MREG: variants seen among roughly 807,000 people sequenced by gnomAD.
MREG encodes melanoregulin, also known as dilute suppressor protein homolog.
A neutral mutation model predicts 28.5 loss-of-function variants in MREG; 31 were observed. The ratio of observed to expected loss-of-function variants is 1.09; its 90% confidence interval spans 0.82 to 1.47. The LOEUF (loss-of-function observed/expected upper bound fraction) is 1.47, where lower values mean the gene tolerates loss of function less well. Ranked by LOEUF, MREG falls within the 40% of genes most tolerant of loss-of-function variation. The pLI, the probability that MREG is intolerant of heterozygous loss-of-function variation, is 0.00. For missense variants in MREG, 256 were observed against 257.4 expected, an observed-to-expected ratio of 0.99 and a Z score of 0.04; for synonymous variants, 106 against 95.2, an observed-to-expected ratio of 1.11 and a Z score of -0.66.
chr2:215,956,133 G>A (rs1192074520), intron 2 of MREG, among the ~76,000 whole-genome samples: 1 of 152,134 alleles, frequency 6.6e-6, no homozygotes, highest in Non-Finnish European at 1.5e-5. Flanking sequence ...CCTACTTTTA[G>A]GTCGAAAAAA....
At chr2:216,024,592 G>T (rs894124473) in intron 1 of MREG, among the ~76,000 whole-genome samples, 1 of 152,080 alleles carries the variant, frequency 6.6e-6, no homozygotes, top group Admixed American at 6.6e-5. Flanking sequence ...AAAATATATT[G>T]GCTGGGTGTG....
chr2:215,995,450 C>CA (rs1171834407), intron 2 of MREG, among the ~76,000 whole-genome samples: 1 of 151,792 alleles, frequency 6.6e-6, no homozygotes, highest in African/African-American at 2.4e-5. Flanking sequence ...TACCAATTAC[C>CA]AAAAATAAAG....
intron 1 of MREG, among the ~76,000 whole-genome samples, chr2:216,000,040 A>G (rs1310357906): frequency 1.3e-5 from 2 of 152,258 alleles, no homozygotes; most frequent in Admixed American, 6.5e-5. Flanking sequence ...AGTGTCGATA[A>G]CATGAAAGAT....
At chr2:216,024,910 G>A (rs1694572198) in intron 1 of MREG, among the ~76,000 whole-genome samples, 1 of 131,878 alleles carries the variant, frequency 7.6e-6, no homozygotes, top group African/African-American at 2.7e-5. Context: ...GGAAAGGAAG[G>A]GAAAGGAAAA....
At chr2:215,975,875 C>A (rs1314884442) in intron 2 of MREG, among the ~76,000 whole-genome samples, 1 of 152,104 alleles carries the variant, frequency 6.6e-6, no homozygotes, top group Non-Finnish European at 1.5e-5. Context: ...TGCCTGAGGT[C>A]AGGAGTTCAA....
At chr2:215,998,721 C>A (rs1046961366) in intron 1 of MREG, among the ~76,000 whole-genome samples, 2 of 152,152 alleles carry the variant, frequency 1.3e-5, no homozygotes, top group Non-Finnish European at 2.9e-5. Context: ...TTGGGCCCTG[C>A]CCATGTGAAC....
At chr2:215,958,884 T>C (rs1304497082) in intron 2 of MREG, among the ~76,000 whole-genome samples, 1 of 152,194 alleles carries the variant, frequency 6.6e-6, no homozygotes, top group African/African-American at 2.4e-5. Context: ...TGAGCATTTA[T>C]TAAGTGCCCA....
intron 2 of MREG, among the ~76,000 whole-genome samples, chr2:215,963,034 A>G (rs1302396042): frequency 3.9e-5 from 6 of 152,128 alleles, no homozygotes. Context: ...TGGCTGAGGT[A>G]GGAGGATTGC....
chr2:215,980,579 A>C (rs1693398356), intron 2 of MREG, among the ~76,000 whole-genome samples: 1 of 152,216 alleles, frequency 6.6e-6, no homozygotes, highest in African/African-American at 2.4e-5. Context: ...GCAGGTGTGA[A>C]AACTGATCAG....
In MREG at chr2:215,944,023, A is replaced by G. The variant is rs1692254350; in HGVS notation, c.*840T>C. The stretch of plus-strand genomic sequence containing the variant: ...GAGACGGAGTCTCGCTCTGTCGCCC[A>G]GGCTGGAGTGCAATGGTGCAATCTC... On this transcript the variant is annotated 3_prime_UTR_variant, in exon 5 of 5. Transcript: ENST00000263268. The G allele has an allele frequency of 9.3e-6, 1 of 107,210 alleles. No homozygotes were observed. Among genetic ancestry groups the G allele is most frequent in the Non-Finnish European group, 1.7e-5 (1 of 59,314 alleles). 6.6% of individuals were successfully genotyped at this position (107,210 alleles called of 1,614,324 possible).
intron 1 of MREG, 118 bp from the exon 2 acceptor site, chr2:215,996,583 T>C: frequency 1.4e-6 from 1 of 721,368 alleles, no homozygotes. Context: ...ATAAATATAT[T>C]GTCAAAAAGG....
upstream of MREG, among the ~76,000 whole-genome samples, chr2:216,014,420 G>A (rs573709874): frequency 6.6e-6 from 1 of 152,252 alleles, no homozygotes; most frequent in South Asian, 2.1e-4. Flanking sequence ...GGAGGCCGAC[G>A]CGGGCGGATC....
At chr2:216,019,468 C>T (rs1457390900) in intron 1 of MREG, among the ~76,000 whole-genome samples, 1 of 151,302 alleles carries the variant, frequency 6.6e-6, no homozygotes, top group South Asian at 2.1e-4. Context: ...ATCACTCTGT[C>T]GTTTCCCATA....
intron 1 of MREG, among the ~76,000 whole-genome samples, chr2:216,023,547 G>A (rs2105931009): frequency 6.6e-6 from 1 of 152,150 alleles, no homozygotes; most frequent in African/African-American, 2.4e-5. Context: ...ATTAAGCATT[G>A]GTATTTGATT....
intron 2 of MREG, among the ~76,000 whole-genome samples, chr2:215,978,449 G>C (rs1012601571): frequency 2.6e-5 from 4 of 152,162 alleles, no homozygotes; most frequent in African/African-American, 9.7e-5. Context: ...AATTCTACCA[G>C]AGGTACAAAG....
At chr2:216,025,475 A>G (rs1341815390) in intron 1 of MREG, among the ~76,000 whole-genome samples, 2 of 152,220 alleles carry the variant, frequency 1.3e-5, no homozygotes, top group Non-Finnish European at 2.9e-5. Flanking sequence ...TGTGCATAGA[A>G]CCAACACCTG....
rs16855132 is a variant in MREG, at chr2:215,958,822, C to G, written c.256-11709G>C. 7.5e-3 allele frequency among the ~76,000 whole-genome samples: 1,149 copies of G among 152,286 alleles called. 18 individuals carry two copies. The highest frequency in any genetic ancestry group is 0.026 in the African/African-American group (1,073 of 41,546). On this transcript the variant is annotated intron_variant, in intron 2 of 4. Transcript: ENST00000263268. Reference sequence around the variant, plus strand: ...CTCTAAAGCATTTAATCCTGATGGCCATACCCTTCTTAACATGCTTTCTAG... The same window carrying G: ...CTCTAAAGCATTTAATCCTGATGGCGATACCCTTCTTAACATGCTTTCTAG...
chr2:215,976,254 C>T (rs930128730), intron 2 of MREG, among the ~76,000 whole-genome samples: 4 of 152,206 alleles, frequency 2.6e-5, no homozygotes, highest in African/African-American at 7.2e-5. Flanking sequence ...TGCATCTTGC[C>T]TTCTATTCCA....
intron 2 of MREG, among the ~76,000 whole-genome samples, chr2:215,964,479 C>G (rs1345656409): frequency 2.3e-5 from 2 of 85,750 alleles, no homozygotes; most frequent in East Asian, 2.7e-4. Flanking sequence ...AAGACTCTGT[C>G]TCAAAAAAAA....
Sources: gnomAD v4.1 joint callset for allele counts (sites outside exome capture counted in the v4.1 genomes callset) on GRCh38, gnomAD v4.1.1 for gene constraint, MANE v1.5 for transcripts, NCBI Gene and HGNC (gene_info 2026-07-23, HGNC 2026-07-21) for gene names.